RANBP2: variants seen among roughly 807,000 people sequenced by gnomAD.
RANBP2 encodes the protein E3 SUMO-protein ligase RanBP2.
A neutral mutation model predicts 303.6 loss-of-function variants in RANBP2; 57 were observed. That is an observed-to-expected ratio of 0.19 (90% CI 0.15 to 0.23). RANBP2 has a LOEUF of 0.23. Ranked by LOEUF, RANBP2 falls within the 10% of genes least tolerant of loss-of-function variation. The pLI is 1.00. For synonymous variants in RANBP2, 1,167 were observed against 1,301.5 expected (o/e 0.90, Z 2.23); for missense variants, 3,138 against 3,780.8 (o/e 0.83, Z 4.46).
the RANBP2 span, among the ~76,000 whole-genome samples, chr2:108,997,246 C>T: frequency 2.0e-5 from 3 of 151,758 alleles, no homozygotes; most frequent in Admixed American, 6.6e-5. Flanking sequence ...TCGAGACCAA[C>T]CTGGCTAACA....
chr2:109,129,587 C>G, the RANBP2 span: 1 of 1,484,870 alleles, frequency 6.7e-7, no homozygotes, highest in South Asian at 1.3e-5. Context: ...GCGGCCGCCG[C>G]TGCTGCGCAG....
the RANBP2 span, among the ~76,000 whole-genome samples, chr2:109,434,256 A>G: frequency 1.3e-5 from 2 of 151,974 alleles, no homozygotes; most frequent in African/African-American, 4.8e-5. Flanking sequence ...GGGGGACATC[A>G]CTCTGTCACA....
At chr2:109,462,187 T>C in the RANBP2 span, among the ~76,000 whole-genome samples, 1 of 149,712 alleles carries the variant, frequency 6.7e-6, no homozygotes, top group Non-Finnish European at 1.5e-5. Context: ...GGCCATCTCG[T>C]ATGACATCTT....
the RANBP2 span, among the ~76,000 whole-genome samples, chr2:108,893,505 C>G: frequency 6.6e-6 from 1 of 152,044 alleles, no homozygotes; most frequent in African/African-American, 2.4e-5. Context: ...TATGGGATGA[C>G]TCACTGGGGA....
the RANBP2 span, among the ~76,000 whole-genome samples, chr2:109,595,280 G>C: frequency 2.0e-5 from 3 of 152,206 alleles, no homozygotes; most frequent in African/African-American, 7.2e-5. Flanking sequence ...AGCTCAGTGA[G>C]GGACACAACG....
At chr2:109,557,834 C>G in the RANBP2 span, among the ~76,000 whole-genome samples, 1 of 150,852 alleles carries the variant, frequency 6.6e-6, no homozygotes, top group African/African-American at 2.4e-5. Context: ...ATAAAAGTAG[C>G]TTGCTGTCAT....
chr2:108,815,443 G>C, the RANBP2 span, among the ~76,000 whole-genome samples: 1 of 134,836 alleles, frequency 7.4e-6, no homozygotes, highest in South Asian at 2.5e-4. Flanking sequence ...TTTAATATTA[G>C]TTGGGGAGGT....
the RANBP2 span, among the ~76,000 whole-genome samples, chr2:109,689,418 A>AC: frequency 6.6e-6 from 1 of 151,956 alleles, no homozygotes; most frequent in Non-Finnish European, 1.5e-5. Flanking sequence ...GAATTCTAAC[A>AC]CCTTTTTTCA....
chr2:108,960,332 G>A, the RANBP2 span, among the ~76,000 whole-genome samples: 1 of 152,244 alleles, frequency 6.6e-6, no homozygotes, highest in Non-Finnish European at 1.5e-5. Flanking sequence ...AGTGCTCACT[G>A]CCTCAGAATG....
At chr2:108,777,369 T>A in intron 25 of RANBP2, 138 bp downstream of exon 25, 1 of 552,948 alleles carries the variant, frequency 1.8e-6, no homozygotes, top group East Asian at 3.1e-5. Flanking sequence ...GTTTTAATAA[T>A]GAAGGGCTTC....
At chr2:109,659,890 G>A in the RANBP2 span, among the ~76,000 whole-genome samples, 2 of 152,174 alleles carry the variant, frequency 1.3e-5, no homozygotes, top group African/African-American at 4.8e-5. Context: ...ACCAGCTATG[G>A]CTCAGTCTCA....
chr2:109,334,358 T>TAAA, the RANBP2 span, among the ~76,000 whole-genome samples: 1,048 of 126,092 alleles, frequency 8.3e-3, 6 homozygotes, highest in East Asian at 0.043. Flanking sequence ...TTTTTTCCTT[T>TAAA]AAAAAAAAAA....
the RANBP2 span, among the ~76,000 whole-genome samples, chr2:109,027,929 G>C: frequency 1.3e-5 from 2 of 152,228 alleles, no homozygotes; most frequent in East Asian, 3.8e-4. Context: ...GTTAATGCAT[G>C]TGTCCTGCTG....
At chr2:109,321,796 G>A in the RANBP2 span, among the ~76,000 whole-genome samples, 1 of 152,206 alleles carries the variant, frequency 6.6e-6, no homozygotes, top group Non-Finnish European at 1.5e-5. Context: ...GTGTTCGCGA[G>A]GGATTGGTCA....
the RANBP2 span, among the ~76,000 whole-genome samples, chr2:109,136,955 A>G: frequency 6.6e-6 from 1 of 152,166 alleles, no homozygotes; most frequent in African/African-American, 2.4e-5. Flanking sequence ...TGGGATGCTG[A>G]TGCTTTTCTC....
chr2:108,915,448 T>G, the RANBP2 span, among the ~76,000 whole-genome samples: 2 of 152,220 alleles, frequency 1.3e-5, no homozygotes, highest in African/African-American at 2.4e-5. Flanking sequence ...TCATAGGGTA[T>G]GTAAGAAACA....
the RANBP2 span, among the ~76,000 whole-genome samples, chr2:109,412,153 G>A: frequency 6.6e-6 from 1 of 152,258 alleles, no homozygotes; most frequent in Non-Finnish European, 1.5e-5. Flanking sequence ...GCCTTCGGCC[G>A]CCGTGGTCCA....
In RANBP2 at chr2:108,764,795, G is replaced by A; in HGVS notation, c.4256G>A (p.Trp1419Ter). ...GTGACTCCAAAGAAAGAAGGTCACT[G>A]GGATTGTAGTATTTGTTTAGTAAGA... Reference protein sequence around the residue: ...ALVTPKKEGHWDCSICLVRNE... With the variant: ...ALVTPKKEGH The change falls in exon 20 of 29, where the codon TGG (tryptophan) becomes TAG (stop). Residue 1419 changes from tryptophan to a stop codon, truncating the protein, a stop_gained. Transcript: ENST00000283195. LOFTEE classifies it high-confidence loss of function. 1 of 1,614,058 alleles carries A rather than the reference G, an allele frequency of 6.2e-7. No homozygotes were observed. Among genetic ancestry groups the A allele is most frequent in the Non-Finnish European group, 8.5e-7 (1 of 1,179,974 alleles).
chr2:109,410,220 G>A, the RANBP2 span, among the ~76,000 whole-genome samples: 550 of 152,336 alleles, frequency 3.6e-3, 2 homozygotes, highest in Non-Finnish European at 5.7e-3. Context: ...TCCAACCAGG[G>A]GAGGCTGGAA....
Sources: gnomAD v4.1 joint callset for allele counts (sites outside exome capture counted in the v4.1 genomes callset) on GRCh38, gnomAD v4.1.1 for gene constraint, MANE v1.5 for transcripts, NCBI Gene and HGNC (gene_info 2026-07-23, HGNC 2026-07-21) for gene names.